CFAP43: variants seen among roughly 807,000 people sequenced by gnomAD.
CFAP43 encodes cilia and flagella associated protein 43.
In CFAP43, 155 loss-of-function variants were observed where a neutral mutation model predicts 218.9. That is an observed-to-expected ratio of 0.71 (90% CI 0.62 to 0.81). The LOEUF is 0.81. Ranked by LOEUF, CFAP43 falls within the 30% of genes least tolerant of loss-of-function variation. The probability of loss-of-function intolerance (pLI) is 0.00; values close to 1 mark genes in which losing one functional copy is unlikely to be tolerated. For synonymous variants in CFAP43, 645 were observed against 681.3 expected (o/e 0.95, Z 0.83); for missense variants, 1,778 against 1,954.3 (o/e 0.91, Z 1.70).
At chr10:104,137,544 A>G (rs2087508647) in intron 34 of CFAP43, among the ~76,000 whole-genome samples, 1 of 152,074 alleles carries the variant, frequency 6.6e-6, no homozygotes, top group African/African-American at 2.4e-5. Flanking sequence ...GGGGTGCCTC[A>G]CTCCTGTAAT....
intron 32 of CFAP43, among the ~76,000 whole-genome samples, chr10:104,142,677 A>G (rs2087763376): frequency 6.6e-6 from 1 of 152,186 alleles, no homozygotes; most frequent in Non-Finnish European, 1.5e-5. Context: ...GTGAAATTAT[A>G]GAATCCTAGG....
intron 17 of CFAP43, 99 bp from the exon 18 acceptor site, chr10:104,180,031 G>A (rs759314432): frequency 3.7e-5 from 33 of 881,732 alleles, no homozygotes; most frequent in Non-Finnish European, 5.4e-5. Flanking sequence ...GAATTCCTTT[G>A]TATTTGTTGC....
chr10:104,193,079 T>C (rs2090277500), intron 11 of CFAP43: 2 of 152,228 alleles, frequency 1.3e-5, no homozygotes, highest in South Asian at 4.1e-4. Context: ...TTCTTATTAA[T>C]ACCTAATAAT....
At chr10:104,171,081 T>A (rs2089389756) in intron 20 of CFAP43, among the ~76,000 whole-genome samples, 1 of 152,198 alleles carries the variant, frequency 6.6e-6, no homozygotes, top group South Asian at 2.1e-4. Context: ...GTGGTTTTCT[T>A]TGACCACAGA....
In CFAP43 at chr10:104,133,799, A is replaced by G; in HGVS notation, c.4432-15T>C. The G allele has an allele frequency of 1.3e-6, 2 of 1,587,374 alleles. No individual in the cohort carries two copies. Among genetic ancestry groups the G allele is most frequent in the Non-Finnish European group, 8.6e-7 (1 of 1,167,008 alleles). On this transcript the variant is annotated splice_polypyrimidine_tract_variant and intron_variant, in intron 34 of 37. Coordinates refer to ENST00000357060, the MANE Select transcript of CFAP43 (RefSeq NM_025145.7). Reference sequence around the variant, plus strand: ...TGTCCTTGAGTCTTTAAAAAAGTACATTAGATATCCATATAATATGATTCT... The same window carrying G: ...TGTCCTTGAGTCTTTAAAAAAGTACGTTAGATATCCATATAATATGATTCT...
At chr10:104,232,147 G>A (rs1174314777) in intron 1 of CFAP43, 35 bp downstream of exon 1, 2 of 1,591,010 alleles carry the variant, frequency 1.3e-6, no homozygotes, top group Non-Finnish European at 1.7e-6. Flanking sequence ...GGTTCCGCGA[G>A]ACCCAGATCG....
Position 104,192,243 on chromosome 10 carries a change from A to AT in CFAP43, c.1501dup (p.Ile501AsnfsTer69), listed in dbSNP as rs761435591. On this transcript the variant is annotated frameshift_variant, in exon 12 of 38. Coordinates refer to ENST00000357060, the MANE Select transcript of CFAP43 (RefSeq NM_025145.7). LOFTEE classifies it high-confidence loss of function. ...AAATGAGCTTGAGGAGTTGGCATTG[A>AT]TAATAAAGACTTTTCCTTCTGCTGT... is the stretch of plus-strand genomic sequence containing the variant. 4 of 1,613,190 alleles carry AT rather than the reference A, an allele frequency of 2.5e-6. No individual in the cohort carries two copies. The highest frequency in any genetic ancestry group is 3.4e-6 in the Non-Finnish European group (4 of 1,179,744).
chr10:104,227,042 A>G (rs770671579), intron 2 of CFAP43, among the ~76,000 whole-genome samples: 84 of 152,222 alleles, frequency 5.5e-4, no homozygotes, highest in Middle Eastern at 6.8e-3. Context: ...ATATATGATA[A>G]TCCATTTTTA....
chr10:104,130,049 T>C lies in CFAP43; in HGVS notation c.*90A>G, dbSNP rs529960543. On this transcript the variant is annotated 3_prime_UTR_variant, in exon 38 of 38. Transcript: ENST00000357060. ...ACTCAGAGGACATGCTACTTCAATT[T>C]CCCAGTAAGAAAGAAAAGGAAATCA... The C allele has an allele frequency of 3.8e-5, 54 of 1,422,358 alleles. 1 individual carries two copies. In the South Asian group the frequency reaches 8.2e-4, roughly 22 times the overall value. The allele number at this position is 1,422,358 out of a possible 1,614,324, so 88.1% of individuals were successfully genotyped here.
chr10:104,148,562 G>A (rs1218044543), intron 28 of CFAP43, among the ~76,000 whole-genome samples: 2 of 152,130 alleles, frequency 1.3e-5, no homozygotes, highest in African/African-American at 4.8e-5. Context: ...TCCCTCAGGG[G>A]TGAGTGAGTT....
At chr10:104,224,270 C>G (rs1271881134) in intron 3 of CFAP43, among the ~76,000 whole-genome samples, 3 of 151,774 alleles carry the variant, frequency 2.0e-5, no homozygotes, top group African/African-American at 7.3e-5. Flanking sequence ...GTCTCGATCT[C>G]CTGACCTCGT....
intron 11 of CFAP43, 80 bp from the exon 12 acceptor site, chr10:104,192,382 G>T: frequency 9.5e-7 from 1 of 1,053,806 alleles, no homozygotes; most frequent in Non-Finnish European, 1.5e-6. Flanking sequence ...AATGGCCACA[G>T]AGATATGTTC....
intron 35 of CFAP43, 142 bp from the exon 36 acceptor site, chr10:104,132,338 G>A (rs897676304): frequency 3.8e-5 from 25 of 666,054 alleles, no homozygotes; most frequent in African/African-American, 9.3e-5. Flanking sequence ...TTGGCCAGGC[G>A]TGGTGGCATA....
rs1235133557 is a variant in CFAP43 at position 104,143,492 on chromosome 10, G to A, written c.4092C>T (p.Gly1364=). 3.1e-6 allele frequency: 5 copies of A among 1,614,154 alleles called. No homozygotes were observed. In the South Asian group the frequency reaches 3.3e-5, roughly 11 times the overall value. The part of the protein sequence containing the change: ...ELDNISNMPE[G]LDPLVWNHFC... ...AATGATTCCAGACCAAAGGGTCCAA[G>A]CCTTCTGGCATGTTACTAATATTGT... The change falls in exon 32 of 38, where the codon GGC becomes GGT. Residue 1364 remains glycine, a synonymous_variant. Coordinates refer to ENST00000357060, the MANE Select transcript of CFAP43 (RefSeq NM_025145.7).
chr10:104,180,037 G>A (rs1053768222), intron 17 of CFAP43, 105 bp from the exon 18 acceptor site: 25 of 864,688 alleles, frequency 2.9e-5, no homozygotes, highest in South Asian at 6.4e-5. Context: ...CTTTGTATTT[G>A]TTGCATTTTT....
Position 104,232,281 on chromosome 10 carries a change from C to T in CFAP43, c.-35G>A. ...TTTCCTCAGGCGGGAGCAGGCAGCGCACGCAGCACCCCAGGGCGGGTCGGT... is the reference window on the plus strand; with the variant it reads ...TTTCCTCAGGCGGGAGCAGGCAGCGTACGCAGCACCCCAGGGCGGGTCGGT... On this transcript the variant is annotated 5_prime_UTR_variant, in exon 1 of 38. Coordinates refer to ENST00000357060, the MANE Select transcript of CFAP43 (RefSeq NM_025145.7). 1.3e-6 allele frequency: 2 copies of T among 1,569,634 alleles called. No homozygotes were observed. Among genetic ancestry groups the T allele is most frequent in the Non-Finnish European group, 8.6e-7 (1 of 1,160,716 alleles).
intron 7 of CFAP43, 90 bp downstream of exon 7, chr10:104,205,873 C>A: frequency 9.2e-7 from 1 of 1,084,912 alleles, no homozygotes; most frequent in Non-Finnish European, 1.4e-6. Flanking sequence ...GATCTGACAT[C>A]CTAAAATATG....
Position 104,179,846 on chromosome 10 carries a change from GC to G in CFAP43, c.2375del (p.Ser792ThrfsTer19), listed in dbSNP as rs1205565043. 6.2e-7 allele frequency: 1 copy of G among 1,612,296 alleles called. No individual in the cohort carries two copies. The highest frequency in any genetic ancestry group is 1.7e-5 in the Admixed American group (1 of 59,880). On this transcript the variant is annotated frameshift_variant, in exon 18 of 38. Transcript: ENST00000357060. LOFTEE classifies it high-confidence loss of function. ...KKEIPWIQQK[S>X]QEAIKKEVNL... ...CCCCATGTTTCACAAATACCTCTTG[GC>G]TTTTTTGTTGTATCCAAGGAATTTC... is the stretch of plus-strand genomic sequence containing the variant.
chr10:104,222,487 CA>C (rs1180251010), intron 3 of CFAP43, among the ~76,000 whole-genome samples: 1 of 152,166 alleles, frequency 6.6e-6, no homozygotes, highest in Admixed American at 6.5e-5. Flanking sequence ...TCTTGGGCCC[CA>C]GGGCACCTCT....
Sources: allele counts gnomAD v4.1 joint callset (sites outside exome capture counted in the v4.1 genomes callset), GRCh38; gene constraint gnomAD v4.1.1; transcripts MANE v1.5; gene names NCBI Gene and HGNC (gene_info 2026-07-23, HGNC 2026-07-21).